The following PLXNB3 variants were observed in gnomAD, a reference collection of about 807,000 sequenced individuals.
PLXNB3 encodes plexin B3.
In PLXNB3, 80 loss-of-function variants were observed where a neutral mutation model predicts 125.7. The ratio of observed to expected loss-of-function variants is 0.64; its 90% CI spans 0.53 to 0.77. The LOEUF is 0.77. Ranked by LOEUF, PLXNB3 falls within the 30% of genes least tolerant of loss-of-function variation. PLXNB3 has a pLI of 0.00. For missense variants in PLXNB3, 1,836 were observed against 1,729.3 expected (o/e 1.06, Z -1.09); for synonymous variants, 954 against 783.3 (o/e 1.22, Z -3.64).
Position 153,774,528 on chromosome X carries a change from G to A in PLXNB3, c.3787G>A (p.Ala1263Thr). 1 of 1,208,621 alleles carries A rather than the reference G, an allele frequency of 8.3e-7. No individual in the cohort carries two copies. The highest frequency in any genetic ancestry group is 3.0e-5 in the East Asian group (1 of 33,801). ...CCAGGCAGGCGTGGGCATGGGTGCT[G>A]CAGTGCTGATTGCCGCCGTGCTCCT... The part of the protein sequence containing the change: ...EAQAGVGMGA[A>T]VLIAAVLLLT... The change falls in exon 22 of 36, where the codon GCA becomes ACA. Residue 1263 changes from alanine (A) to threonine (T), a missense_variant. By Grantham distance (58) the Ala-to-Thr change is moderately conservative. Transcript: ENST00000361971.
At chrX:153,776,691 A>G (rs1468231356) in intron 28 of PLXNB3, among the ~76,000 whole-genome samples, 196 bp from the exon 29 acceptor site, 25 of 14,146 alleles carry the variant, frequency 1.8e-3, no homozygotes, top group South Asian at 9.2e-3. Context: ...GGGGCGAGGC[A>G]GGGCGGGGCT....
Position 153,769,790 on chromosome X carries a change from G to C in PLXNB3, c.1497-17G>C. 1 of 1,200,974 alleles carries C rather than the reference G, an allele frequency of 8.3e-7. No individual in the cohort carries two copies. The highest frequency in any genetic ancestry group is 1.1e-6 in the Non-Finnish European group (1 of 891,181). Reference sequence around the variant, plus strand: ...TCTAGGACCCCCACGGTGACCTGATGGACCCCTGCCTGGCAGGTGTACCCG... The same window carrying C: ...TCTAGGACCCCCACGGTGACCTGATCGACCCCTGCCTGGCAGGTGTACCCG... On this transcript the variant is annotated splice_polypyrimidine_tract_variant and intron_variant, in intron 6 of 35. Transcript: ENST00000361971.
At chrX:153,775,755 G>A (rs2091978932) in intron 26 of PLXNB3, 95 bp downstream of exon 26, 8 of 1,084,377 alleles carry the variant, frequency 7.4e-6, no homozygotes, top group Admixed American at 4.8e-5. Flanking sequence ...ACGTGACGAA[G>A]GCCCGGCAAG....
intron 6 of PLXNB3, 21 bp downstream of exon 6, chrX:153,769,283 T>C (rs369718317): frequency 8.1e-6 from 9 of 1,110,917 alleles, no homozygotes; most frequent in Non-Finnish European, 1.1e-5. Context: ...GGCCTGTGCC[T>C]AGGCTAGGGC....
At position 153,773,338 on chromosome X, in the gene PLXNB3, C is replaced by T. The variant is rs1393120326; in HGVS notation, c.3015C>T (p.Leu1005=). 11 of 1,208,815 alleles carry T rather than the reference C, an allele frequency of 9.1e-6. No individual in the cohort carries two copies. The South Asian group carries it at 1.1e-4, about 12-fold the overall frequency. Residue 1005 remains leucine, a synonymous_variant, in exon 18 of 36, where the codon CTC becomes CTT. Coordinates refer to ENST00000361971, the MANE Select transcript of PLXNB3 (RefSeq NM_005393.3). ...VVFGHAQRTL[L]ASPFRYTANP... ...TTGGCCATGCCCAGCGCACACTGCT[C>T]GCCAGCCCCTTCCGCTACACCGCCA...
chrX:153,769,715 CTCCAGCTGGGCCGGCCTCCCCAGG>C, intron 6 of PLXNB3, 68 bp from the exon 7 acceptor site: 2 of 981,335 alleles, frequency 2.0e-6, no homozygotes, highest in African/African-American at 1.9e-5. Flanking sequence ...CCCCACTGCA[CTCCAGCTGGGCCGGCCTCCCCAGG>C]CCCCTGTTGC....
intron 2 of PLXNB3, chrX:153,766,334 C>A: frequency 8.7e-7 from 1 of 1,148,038 alleles, no homozygotes; most frequent in Admixed American, 2.7e-5. Context: ...GGCAGGTTTT[C>A]TCTCCCTGTC....
Position 153,774,546 on chromosome X carries a change from G to A in PLXNB3, c.3805G>A (p.Val1269Met). Reference protein sequence around the residue: ...GMGAAVLIAAVLLLTLMYRHK... With the variant: ...GMGAAVLIAAMLLLTLMYRHK... The stretch of plus-strand genomic sequence containing the variant: ...GGGTGCTGCAGTGCTGATTGCCGCC[G>A]TGCTCCTCCTCACCCTCATGTACAG... Residue 1269 changes from valine (V) to methionine (M), a missense_variant, in exon 22 of 36, where the codon GTG (valine) becomes ATG (methionine). By Grantham distance (21) the Val-to-Met change is conservative. Transcript: ENST00000361971. The A allele has an allele frequency of 5.8e-6, 7 of 1,207,284 alleles. No individual in the cohort carries two copies. Among genetic ancestry groups the A allele is most frequent in the South Asian group, 1.8e-5 (1 of 56,207 alleles).
At position 153,775,344 on chromosome X, in the gene PLXNB3, C is replaced by G; in HGVS notation, c.4275C>G (p.Thr1425=). ...KLEYLTDIMR[T]LLGDLAAHYV... is the part of the protein sequence containing the mutation. ...AGTACCTGACGGACATCATGAGGACCCTGCTGGGTGACCTGGCGGCCCATT... is the reference window on the plus strand; with the variant it reads ...AGTACCTGACGGACATCATGAGGACGCTGCTGGGTGACCTGGCGGCCCATT... The change falls in exon 25 of 36, where the codon ACC becomes ACG. Residue 1425 remains threonine (T), a synonymous_variant. Transcript: ENST00000361971. The G allele has an allele frequency of 1.2e-5, 15 of 1,210,446 alleles. No homozygotes were observed. Among genetic ancestry groups the G allele is most frequent in the Admixed American group, 4.3e-5 (2 of 46,066 alleles).
chrX:153,772,428 T>C (rs898162683), intron 16 of PLXNB3, 141 bp downstream of exon 16: 2 of 511,383 alleles, frequency 3.9e-6, no homozygotes, highest in Non-Finnish European at 6.5e-6. Flanking sequence ...AGCCATGGCA[T>C]GTGAGTGGAG....
intron 31 of PLXNB3, 102 bp from the exon 32 acceptor site, chrX:153,777,846 G>A (rs1557065012): frequency 1.8e-5 from 20 of 1,096,752 alleles, no homozygotes; most frequent in African/African-American, 9.2e-5. Context: ...AGCTTCCAGC[G>A]GCCCCTGGCT....
At chrX:153,770,908 C>T in intron 11 of PLXNB3, 25 bp downstream of exon 11, 1 of 1,204,424 alleles carries the variant, frequency 8.3e-7, no homozygotes, top group Non-Finnish European at 1.1e-6. Flanking sequence ...GGGAAGGGGA[C>T]AGGGCAGTGA....
In PLXNB3 at chrX:153,772,830, G is replaced by C. The variant is rs2091947784; in HGVS notation, c.2776-56G>C. 4.7e-6 allele frequency: 5 copies of C among 1,065,894 alleles called. No homozygotes were observed. The African/African-American group carries it at 5.8e-5, about 12-fold the overall frequency. 87.8% of individuals were successfully genotyped at this position (1,065,894 alleles called of 1,213,427 possible). On this transcript the variant is annotated intron_variant, in intron 16 of 35. Transcript: ENST00000361971. ...CGGAGGGCCTTGGGCATGGCCCAGG[G>C]GGGTGAAAGGGCCAGGCTGGGCTGC...
chrX:153,774,299 G>C lies in PLXNB3; in HGVS notation c.3633G>C (p.Ala1211=). 8.6e-7 allele frequency: 1 copy of C among 1,162,751 alleles called. No individual in the cohort carries two copies. The highest frequency in any genetic ancestry group is 3.2e-5 in the East Asian group (1 of 31,195). The stretch of plus-strand genomic sequence containing the variant: ...CCCACCTGTACTGCGAGCCGCCTGC[G>C]CACGCCCCGCAGCCTGCCAATGGCT... ...TRTHLYCEPP[A]HAPQPANGSG... Residue 1211 remains alanine (A), a synonymous_variant, in exon 21 of 36, where the codon GCG becomes GCC. Coordinates refer to ENST00000361971, the MANE Select transcript of PLXNB3 (RefSeq NM_005393.3).
Position 153,773,509 on chromosome X carries a change from C to G in PLXNB3, c.3084-9C>G, listed in dbSNP as rs1436639660. ...CGCCCGCCCACACCCGACTGCCATC[C>G]TGGTACAGGGGTGGGCGACTGATCC... is the stretch of plus-strand genomic sequence containing the variant. On this transcript the variant is annotated splice_polypyrimidine_tract_variant and intron_variant, in intron 18 of 35. Transcript: ENST00000361971. 1 of 1,190,800 alleles carries G rather than the reference C, an allele frequency of 8.4e-7. No individual in the cohort carries two copies. The highest frequency in any genetic ancestry group is 1.1e-6 in the Non-Finnish European group (1 of 883,117).
Position 153,770,332 on chromosome X carries a change from T to C in PLXNB3, c.1787-6T>C. 1 of 1,207,195 alleles carries C rather than the reference T, an allele frequency of 8.3e-7. No individual in the cohort carries two copies. Among genetic ancestry groups the C allele is most frequent in the Non-Finnish European group, 1.1e-6 (1 of 892,288 alleles). The stretch of plus-strand genomic sequence containing the variant: ...GACCTGTCCTGCCCCCACTGTCCCC[T>C]CCCAGACCACGTCACTGTGCCCCTG... On this transcript the variant is annotated splice_region_variant and splice_polypyrimidine_tract_variant and intron_variant, in intron 8 of 35. Coordinates refer to ENST00000361971, the MANE Select transcript of PLXNB3 (RefSeq NM_005393.3).
chrX:153,773,519 G>A lies in PLXNB3; in HGVS notation c.3085G>A (p.Gly1029Ser). The part of the protein sequence containing the change: ...AAEPSASFRG[G>S]GRLIRVRGTG... ...CACCCGACTGCCATCCTGGTACAGG[G>A]GTGGGCGACTGATCCGTGTCAGGGG... Residue 1029 changes from glycine (G) to serine (S), a missense_variant and splice_region_variant, in exon 19 of 36, where the codon GGT becomes AGT. Transcript: ENST00000361971. 3 of 1,194,587 alleles carry A rather than the reference G, an allele frequency of 2.5e-6. No homozygotes were observed. Among genetic ancestry groups the A allele is most frequent in the Non-Finnish European group, 3.4e-6 (3 of 886,122 alleles).
intron 2 of PLXNB3, chrX:153,766,084 G>A: frequency 9.4e-7 from 1 of 1,065,252 alleles, no homozygotes; most frequent in Non-Finnish European, 1.2e-6. Context: ...AACTGCTGGG[G>A]CCCATGGGGC....
At position 153,774,505 on chromosome X, in the gene PLXNB3, A is replaced by G; in HGVS notation, c.3764A>G (p.Gln1255Arg). The G allele has an allele frequency of 8.3e-7, 1 of 1,208,215 alleles. No homozygotes were observed. The highest frequency in any genetic ancestry group is 1.1e-6 in the Non-Finnish European group (1 of 894,100). Residue 1255 changes from glutamine (Q) to arginine (R), a missense_variant, in exon 22 of 36, where the codon CAG (glutamine) becomes CGG (arginine). Gln to Arg is a conservative substitution (Grantham distance 43). Transcript: ENST00000361971. ...CTGTCTGCCTTTCCCGTGGAGGCCCAGGCAGGCGTGGGCATGGGTGCTGCA... is the reference window on the plus strand; with the variant it reads ...CTGTCTGCCTTTCCCGTGGAGGCCCGGGCAGGCGTGGGCATGGGTGCTGCA... ...PPLSAFPVEA[Q>R]AGVGMGAAVL... is the part of the protein sequence containing the mutation.
Sources: gnomAD v4.1 joint callset for allele counts (sites outside exome capture counted in the v4.1 genomes callset) on GRCh38, gnomAD v4.1.1 for gene constraint, MANE v1.5 for transcripts, NCBI Gene and HGNC (gene_info 2026-07-23, HGNC 2026-07-21) for gene names.